Variants in RYR3 observed in about 807,000 individuals in gnomAD.
RYR3 encodes ryanodine receptor 3.
Under a neutral mutation model 584.3 loss-of-function variants are expected in RYR3, and 207 were observed. The ratio of observed to expected loss-of-function variants is 0.35; its 90% confidence interval spans 0.32 to 0.40. RYR3 has a LOEUF of 0.40. Among genes scored for constraint, RYR3 ranks in the 10% least tolerant of loss-of-function variants. The pLI is 1.00. For missense variants in RYR3, 5,616 were observed against 6,089.2 expected (o/e 0.92, Z 2.59); for synonymous variants, 2,416 against 2,248.5 (o/e 1.07, Z -2.11).
At chr15:33,862,315 ACATCCGCCTCAGCCTC>A (rs937017901) in intron 102 of RYR3, among the ~76,000 whole-genome samples, 1 of 151,864 alleles carries the variant, frequency 6.6e-6, no homozygotes, top group Admixed American at 6.6e-5. Context: ...CAGGCTCAAG[ACATCCGCCTCAGCCTC>A]CTGAGTAGCT....
chr15:33,499,850 C>T (rs2051797942), intron 2 of RYR3, among the ~76,000 whole-genome samples: 1 of 152,152 alleles, frequency 6.6e-6, no homozygotes, highest in South Asian at 2.1e-4. Context: ...CCTTCAGAGC[C>T]ATTGACACAC....
At chr15:33,755,754 C>A (rs762690032) in intron 58 of RYR3, among the ~76,000 whole-genome samples, 9 of 152,138 alleles carry the variant, frequency 5.9e-5, no homozygotes, top group Non-Finnish European at 1.0e-4. Flanking sequence ...TATGACTCAA[C>A]CTCTCTGAAA....
intron 14 of RYR3, among the ~76,000 whole-genome samples, chr15:33,584,101 G>A (rs1159297939): frequency 6.6e-6 from 1 of 152,050 alleles, no homozygotes; most frequent in African/African-American, 2.4e-5. Flanking sequence ...AGCTGGGCAT[G>A]GTGGTGCATG....
In RYR3 at chr15:33,699,759, G is replaced by A. The variant is rs781486899; in HGVS notation, c.6305G>A (p.Arg2102Gln). The change falls in exon 41 of 104, where the codon CGA becomes CAA. Residue 2102 changes from arginine to glutamine, a missense_variant. Coordinates refer to ENST00000634891, the MANE Select transcript of RYR3 (RefSeq NM_001036.6). Reference sequence around the variant, plus strand: ...TGCCGTTTCCTTTGCTATTTCTGTCGAATTAGCCGGCAAAATCAGAAGGCC... The same window carrying A: ...TGCCGTTTCCTTTGCTATTTCTGTCAAATTAGCCGGCAAAATCAGAAGGCC... Reference protein sequence around the residue: ...SCCRFLCYFCRISRQNQKAMF... With the variant: ...SCCRFLCYFCQISRQNQKAMF... 9.9e-6 allele frequency: 16 copies of A among 1,613,712 alleles called. No individual in the cohort carries two copies. The highest frequency in any genetic ancestry group is 3.3e-5 in the Admixed American group (2 of 60,016).
intron 43 of RYR3, among the ~76,000 whole-genome samples, chr15:33,720,297 C>G (rs112411044): frequency 6.6e-6 from 1 of 152,148 alleles, no homozygotes; most frequent in Non-Finnish European, 1.5e-5. Flanking sequence ...GAGACACATT[C>G]GGTATGTTCA....
At chr15:33,810,310 C>T (rs1351513155) in intron 70 of RYR3, among the ~76,000 whole-genome samples, 169 bp from the exon 71 acceptor site, 1 of 152,208 alleles carries the variant, frequency 6.6e-6, no homozygotes, top group Non-Finnish European at 1.5e-5. Context: ...TCTTTGATGG[C>T]TACCTAATTC....
At chr15:33,711,217 A>G (rs1374037126) in intron 43 of RYR3, among the ~76,000 whole-genome samples, 1 of 149,310 alleles carries the variant, frequency 6.7e-6, no homozygotes, top group Non-Finnish European at 1.5e-5. Context: ...AGAAGCAGCC[A>G]TGCCACTTCT....
At chr15:33,718,681 G>C (rs900785679) in intron 43 of RYR3, among the ~76,000 whole-genome samples, 1 of 152,148 alleles carries the variant, frequency 6.6e-6, no homozygotes, top group Non-Finnish European at 1.5e-5. Context: ...AAAAGTGATG[G>C]GCTGAAGGTT....
rs758936962 is a variant in RYR3 at position 33,668,970 on chromosome 15, A to C, written c.5620-384A>C. Among the ~76,000 whole-genome samples, 60 of 152,198 alleles carry C rather than the reference A, an allele frequency of 3.9e-4. 1 individual carries two copies. Among genetic ancestry groups the C allele is most frequent in the Non-Finnish European group, 7.3e-5 (5 of 68,030 alleles). Reference sequence around the variant, plus strand: ...CACCTATTAAAAATTGGATTAAGAAAGTAAGAAAATGTTCAAGTAACATTA... The same window carrying C: ...CACCTATTAAAAATTGGATTAAGAACGTAAGAAAATGTTCAAGTAACATTA... On this transcript the variant is annotated intron_variant, in intron 36 of 103. Coordinates refer to ENST00000634891, the MANE Select transcript of RYR3 (RefSeq NM_001036.6).
chr15:33,641,787 C>T (rs2061841008), intron 27 of RYR3, among the ~76,000 whole-genome samples: 1 of 152,176 alleles, frequency 6.6e-6, no homozygotes, highest in African/African-American at 2.4e-5. Flanking sequence ...ACTTTTGTTA[C>T]CCTGTCTTTT....
intron 1 of RYR3, among the ~76,000 whole-genome samples, chr15:33,401,152 G>A (rs1051251231): frequency 6.6e-6 from 1 of 152,052 alleles, no homozygotes; most frequent in Non-Finnish European, 1.5e-5. Flanking sequence ...TCTTCTGCTC[G>A]GCTATTATGA....
intron 2 of RYR3, among the ~76,000 whole-genome samples, chr15:33,479,451 T>G (rs1343694644): frequency 6.6e-6 from 1 of 151,050 alleles, no homozygotes; most frequent in East Asian, 1.9e-4. Flanking sequence ...TCCCTTATCA[T>G]GTAATATGAA....
At chr15:33,532,021 C>A (rs1013136779) in intron 4 of RYR3, among the ~76,000 whole-genome samples, 5 of 152,284 alleles carry the variant, frequency 3.3e-5, no homozygotes, top group African/African-American at 1.2e-4. Context: ...AAAAAAAGTT[C>A]TACTCACAGT....
rs1365082897 is a variant in RYR3 at position 33,311,038 on chromosome 15, C to T, written c.-8C>T. ...GGAGGCTGGGGCACCGCCGACGCCTCGGGAGCCATGGCCGAAGGGGGAGAA... is the reference window on the plus strand; with the variant it reads ...GGAGGCTGGGGCACCGCCGACGCCTTGGGAGCCATGGCCGAAGGGGGAGAA... On this transcript the variant is annotated 5_prime_UTR_variant, in exon 1 of 104. Coordinates refer to ENST00000634891, the MANE Select transcript of RYR3 (RefSeq NM_001036.6). This position sits in a 1 kb window ranked among gnomAD's most constrained non-coding sequence, Gnocchi z 4.4. 6 of 1,577,648 alleles carry T rather than the reference C, an allele frequency of 3.8e-6. No homozygotes were observed. The highest frequency in any genetic ancestry group is 2.8e-5 in the African/African-American group (2 of 72,302).
intron 16 of RYR3, among the ~76,000 whole-genome samples, chr15:33,598,055 A>G (rs1242962756): frequency 6.6e-6 from 1 of 152,066 alleles, no homozygotes; most frequent in East Asian, 1.9e-4. Context: ...CATAAAGTAC[A>G]GAGAGAAAAA....
At position 33,559,999 on chromosome 15, in the gene RYR3, G is replaced by T. The variant is rs528525567; in HGVS notation, c.973-2838G>T. 6.2e-4 allele frequency among the ~76,000 whole-genome samples: 94 copies of T among 152,266 alleles called. 1 individual carries two copies. In the Middle Eastern group the frequency reaches 0.01, roughly 17 times the overall value. On this transcript the variant is annotated intron_variant, in intron 10 of 103. Transcript: ENST00000634891. The stretch of plus-strand genomic sequence containing the variant: ...TATAAGAACTTTAGAGATAATAATT[G>T]TATTCCATAGGAACTTGGGAGTTAT...
In RYR3 at chr15:33,649,110, T is replaced by G. The variant is rs781576341; in HGVS notation, c.4017T>G (p.Asp1339Glu). ...YYAIRIFAGQ[D>E]PSCVWVGWVT... Reference sequence around the variant, plus strand: ...CCATCCGCATCTTTGCTGGACAGGATCCATCCTGTGTCTGGGTCGGATGGG... The same window carrying G: ...CCATCCGCATCTTTGCTGGACAGGAGCCATCCTGTGTCTGGGTCGGATGGG... Residue 1339 changes from aspartate to glutamate, a missense_variant, in exon 31 of 104, where the codon GAT becomes GAG. Physicochemically the swap from Asp to Glu is conservative, Grantham distance 45 (BLOSUM62 2). Around this residue, in one of 9 missense-constraint regions of RYR3, gnomAD observed 753 missense variants for 741.0 expected, o/e 1.02. Transcript: ENST00000634891. 10 of 1,613,636 alleles carry G rather than the reference T, an allele frequency of 6.2e-6. No homozygotes were observed. In the South Asian group the frequency reaches 1.1e-4, roughly 18 times the overall value.
chr15:33,314,302 G>C (rs1000101359), intron 1 of RYR3, among the ~76,000 whole-genome samples: 1 of 152,152 alleles, frequency 6.6e-6, no homozygotes, highest in African/African-American at 2.4e-5. Context: ...GATTGCTCTT[G>C]CTGACGTAGC....
At chr15:33,481,503 CAG>C (rs2049963581) in intron 2 of RYR3, among the ~76,000 whole-genome samples, 1 of 151,628 alleles carries the variant, frequency 6.6e-6, no homozygotes, top group African/African-American at 2.4e-5. Flanking sequence ...TTTTTTGAGA[CAG>C]AGTCTTGCTC....
Sources: gnomAD v4.1 joint callset for allele counts (sites outside exome capture counted in the v4.1 genomes callset) on GRCh38, gnomAD v4.1.1 for gene constraint, gnomAD v4.1.1 regional missense constraint, Gnocchi (gnomAD v3.1) non-coding constraint, MANE v1.5 for transcripts, NCBI Gene and HGNC (gene_info 2026-07-23, HGNC 2026-07-21) for gene names.